GRM8: variants seen among roughly 807,000 people sequenced by gnomAD.
The protein encoded by GRM8 is glutamate metabotropic receptor 8.
A neutral mutation model predicts 87.2 loss-of-function variants in GRM8; 47 were observed. The ratio of observed to expected loss-of-function variants is 0.54; its 90% CI spans 0.43 to 0.69. GRM8 has a LOEUF of 0.69. Among genes scored for constraint, GRM8 ranks in the 30% least tolerant of loss-of-function variants. The probability of loss-of-function intolerance (pLI) is 0.00; values close to 1 mark genes in which losing one functional copy is unlikely to be tolerated. For synonymous variants in GRM8, 396 were observed against 404.5 expected, an observed-to-expected ratio of 0.98 and a Z score of 0.25; for missense variants, 1,019 against 1,139.2, an observed-to-expected ratio of 0.89 and a Z score of 1.52.
chr7:126,452,016 TG>T (rs1322694893), intron 9 of GRM8, among the ~76,000 whole-genome samples: 2 of 151,796 alleles, frequency 1.3e-5, no homozygotes, highest in African/African-American at 4.8e-5. Context: ...ATTTTACCTG[TG>T]TTGTTCACGG....
At chr7:126,478,814 C>T (rs1179751260) in intron 9 of GRM8, among the ~76,000 whole-genome samples, 3 of 151,992 alleles carry the variant, frequency 2.0e-5, no homozygotes, top group Non-Finnish European at 4.4e-5. Context: ...GCCCTCTCTA[C>T]TATTGGGGTT....
intron 3 of GRM8, among the ~76,000 whole-genome samples, chr7:126,952,868 A>G (rs563953764): frequency 3.9e-5 from 6 of 152,238 alleles, no homozygotes; most frequent in African/African-American, 1.2e-4. Flanking sequence ...AAAATGTGAC[A>G]TGGGATCCTG....
At chr7:126,713,723 G>A (rs181731067) in intron 7 of GRM8, among the ~76,000 whole-genome samples, 2 of 151,956 alleles carry the variant, frequency 1.3e-5, no homozygotes, top group African/African-American at 4.8e-5. Flanking sequence ...AAATGAGTAG[G>A]TGTTAGTCAA....
At chr7:126,474,255 T>C (rs1441787531) in intron 9 of GRM8, among the ~76,000 whole-genome samples, 2 of 148,392 alleles carry the variant, frequency 1.3e-5, no homozygotes, top group Admixed American at 1.4e-4. Context: ...TGTGCATGTG[T>C]GTGTGTGTGT....
intron 7 of GRM8, among the ~76,000 whole-genome samples, chr7:126,678,368 A>G (rs1807210141): frequency 6.6e-6 from 1 of 152,180 alleles, no homozygotes; most frequent in Non-Finnish European, 1.5e-5. Context: ...CTGATTCTGA[A>G]GTATCTTTGG....
intron 7 of GRM8, among the ~76,000 whole-genome samples, chr7:126,653,255 T>A (rs1489131291): frequency 1.4e-5 from 2 of 145,332 alleles, no homozygotes; most frequent in African/African-American, 5.0e-5. Flanking sequence ...TGAGCTACGA[T>A]TGCCACTGCA....
At chr7:126,643,542 A>C (rs1485780426) in intron 7 of GRM8, among the ~76,000 whole-genome samples, 1 of 151,654 alleles carries the variant, frequency 6.6e-6, no homozygotes, top group Non-Finnish European at 1.5e-5. Context: ...AAATCACCTA[A>C]TATGCATGCG....
At chr7:126,873,180 T>G (rs575683577) in intron 6 of GRM8, among the ~76,000 whole-genome samples, 73 of 152,248 alleles carry the variant, frequency 4.8e-4, no homozygotes, top group African/African-American at 1.8e-3. Context: ...ACTTAACTTG[T>G]GTCTGCACAG....
At chr7:126,759,395 T>TAA (rs35102820) in intron 7 of GRM8, among the ~76,000 whole-genome samples, 16,890 of 151,578 alleles carry the variant, frequency 0.11, 1,366 homozygotes, top group Non-Finnish European at 0.14. Context: ...GTTCCATCAA[T>TAA]AAAAAAAGTA....
At chr7:126,687,247 AT>A (rs1205634896) in intron 7 of GRM8, among the ~76,000 whole-genome samples, 1 of 152,136 alleles carries the variant, frequency 6.6e-6, no homozygotes, top group Non-Finnish European at 1.5e-5. Context: ...CTTTGTCTTG[AT>A]TTTTTAAAAT....
intron 7 of GRM8, among the ~76,000 whole-genome samples, chr7:126,614,772 C>T (rs990263008): frequency 6.6e-6 from 1 of 152,064 alleles, no homozygotes; most frequent in African/African-American, 2.4e-5. Flanking sequence ...GAAAGGGTAT[C>T]AGTGATTGAA....
At chr7:126,616,660 T>C (rs904828774) in intron 7 of GRM8, among the ~76,000 whole-genome samples, 6 of 151,082 alleles carry the variant, frequency 4.0e-5, no homozygotes, top group Non-Finnish European at 5.9e-5. Flanking sequence ...GAGGGAAGAA[T>C]CAAATAAACG....
intron 2 of GRM8, among the ~76,000 whole-genome samples, chr7:127,234,312 G>A (rs1477839203): frequency 6.6e-6 from 1 of 152,110 alleles, no homozygotes; most frequent in Non-Finnish European, 1.5e-5. Flanking sequence ...TGTGTAAAAT[G>A]GTAATCTGCC....
chr7:126,993,192 G>A (rs1345755237), intron 3 of GRM8, among the ~76,000 whole-genome samples: 1 of 151,958 alleles, frequency 6.6e-6, no homozygotes, highest in Non-Finnish European at 1.5e-5. Context: ...TCCATTTGTA[G>A]GCATATACAT....
chr7:126,915,062 C>T (rs1803749677), intron 3 of GRM8, among the ~76,000 whole-genome samples: 1 of 152,182 alleles, frequency 6.6e-6, no homozygotes, highest in Admixed American at 6.5e-5. Flanking sequence ...GGTAGGTTCA[C>T]AGGGTCAGCG....
At chr7:127,044,061 C>G (rs1023800610) in intron 3 of GRM8, among the ~76,000 whole-genome samples, 2 of 152,298 alleles carry the variant, frequency 1.3e-5, no homozygotes, top group Middle Eastern at 3.4e-3. Flanking sequence ...GAGAGGTGAA[C>G]AGAGGAAGGG....
chr7:126,824,525 G>C (rs1047232646), intron 6 of GRM8, among the ~76,000 whole-genome samples: 2 of 152,178 alleles, frequency 1.3e-5, no homozygotes, highest in African/African-American at 4.8e-5. Context: ...AAGAGGGTAT[G>C]CTACCTACAG....
intron 6 of GRM8, among the ~76,000 whole-genome samples, chr7:126,811,910 G>A (rs1793334172): frequency 6.6e-6 from 1 of 151,946 alleles, no homozygotes; most frequent in South Asian, 2.1e-4. Context: ...AATAGGAGTG[G>A]TGAAAGTGGG....
intron 3 of GRM8, among the ~76,000 whole-genome samples, chr7:126,931,060 C>T (rs754153181): frequency 1.5e-4 from 23 of 152,062 alleles, no homozygotes; most frequent in Non-Finnish European, 2.8e-4. Context: ...AGAGATGATA[C>T]TGAATGCATT....
Sources: gnomAD v4.1 joint callset for allele counts (sites outside exome capture counted in the v4.1 genomes callset) on GRCh38, gnomAD v4.1.1 for gene constraint, MANE v1.5 for transcripts, NCBI Gene and HGNC (gene_info 2026-07-23, HGNC 2026-07-21) for gene names.